Variants in CLIC5 observed in about 807,000 individuals in gnomAD.
CLIC5 encodes the protein CLIC family member 5.
A neutral mutation model predicts 24.7 loss-of-function variants in CLIC5; 20 were observed. The ratio of observed to expected loss-of-function variants is 0.81; its 90% CI spans 0.57 to 1.18. CLIC5 has a LOEUF of 1.18. Among genes scored for constraint, CLIC5 ranks in the 50% most tolerant of loss-of-function variants. CLIC5 has a pLI of 0.00. For missense variants in CLIC5, 341 were observed against 326.1 expected (o/e 1.05, Z -0.35); for synonymous variants, 159 against 135.6 (o/e 1.17, Z -1.20).
chr6:46,109,926 T>C, the CLIC5 span, among the ~76,000 whole-genome samples: 2 of 147,420 alleles, frequency 1.4e-5, no homozygotes, highest in East Asian at 3.9e-4. Context: ...TTGTGGCCTT[T>C]GGAATACCAA....
intron 4 of CLIC5, among the ~76,000 whole-genome samples, chr6:45,917,715 T>C (rs1354779901): frequency 6.6e-6 from 1 of 152,214 alleles, no homozygotes; most frequent in Non-Finnish European, 1.5e-5. Flanking sequence ...TCCTCCCACC[T>C]GCCAACTCAT....
intron 1 of CLIC5, among the ~76,000 whole-genome samples, chr6:46,035,478 A>G (rs1299295798): frequency 6.6e-6 from 1 of 152,152 alleles, no homozygotes; most frequent in African/African-American, 2.4e-5. Flanking sequence ...GAACTTCCCT[A>G]TCACTGGCTC....
At chr6:46,019,372 C>A (rs998866684), upstream of CLIC5, among the ~76,000 whole-genome samples, 1 of 152,080 alleles carries the variant, frequency 6.6e-6, no homozygotes, top group African/African-American at 2.4e-5. Flanking sequence ...TGGAAAAGCC[C>A]CTGCCATGCA....
chr6:46,060,299 TA>T (rs1366356230), intron 1 of CLIC5, among the ~76,000 whole-genome samples: 1 of 152,112 alleles, frequency 6.6e-6, no homozygotes, highest in African/African-American at 2.4e-5. Context: ...ATTTACTTAT[TA>T]AAAATTTTTT....
chr6:45,993,291 T>A (rs1766007276), intron 1 of CLIC5, among the ~76,000 whole-genome samples: 1 of 152,198 alleles, frequency 6.6e-6, no homozygotes. Context: ...TTAAAGTAAC[T>A]GAGCAAAATA....
intron 3 of CLIC5, among the ~76,000 whole-genome samples, chr6:45,944,863 C>T (rs1031802348): frequency 5.9e-5 from 9 of 152,160 alleles, no homozygotes; most frequent in East Asian, 1.9e-4. Context: ...CTTTTTCTCA[C>T]GAGCTGAAAA....
chr6:46,026,076 C>G (rs1472053586), intron 1 of CLIC5, among the ~76,000 whole-genome samples: 2 of 152,142 alleles, frequency 1.3e-5, no homozygotes, highest in African/African-American at 4.8e-5. Flanking sequence ...CTTTATTTCA[C>G]TGTTTCTCCC....
chr6:45,966,831 T>C (rs910261045), intron 1 of CLIC5, among the ~76,000 whole-genome samples: 1 of 152,230 alleles, frequency 6.6e-6, no homozygotes, highest in Non-Finnish European at 1.5e-5. Context: ...TCAAGATGTC[T>C]GAAGAACCTC....
chr6:46,043,981 C>T (rs938074935), intron 1 of CLIC5, among the ~76,000 whole-genome samples: 20 of 152,222 alleles, frequency 1.3e-4, no homozygotes, highest in African/African-American at 4.8e-4. Context: ...GTGGGGTAGG[C>T]GAAGTTGGAT....
At chr6:45,933,567 C>G (rs1763824914) in intron 4 of CLIC5, among the ~76,000 whole-genome samples, 1 of 152,200 alleles carries the variant, frequency 6.6e-6, no homozygotes, top group Non-Finnish European at 1.5e-5. Context: ...GTTAGAAGCA[C>G]CTTATTAGGA....
intron 4 of CLIC5, among the ~76,000 whole-genome samples, chr6:45,915,656 A>G (rs1763002465): frequency 6.6e-6 from 1 of 152,226 alleles, no homozygotes; most frequent in Admixed American, 6.5e-5. Flanking sequence ...GGAACATAAC[A>G]TGGGAGAAGG....
chr6:45,976,397 CT>C (rs1403240951), intron 1 of CLIC5, among the ~76,000 whole-genome samples: 14 of 152,150 alleles, frequency 9.2e-5, no homozygotes, highest in Admixed American at 5.9e-4. Context: ...TTGCCTAGGA[CT>C]GGGGGAATTC....
chr6:45,971,648 A>G (rs1454469631), intron 1 of CLIC5, among the ~76,000 whole-genome samples: 1 of 152,232 alleles, frequency 6.6e-6, no homozygotes, highest in Non-Finnish European at 1.5e-5. Context: ...AATGGCAAAG[A>G]AACATTGCAA....
chr6:46,051,086 A>G (rs1385404668), intron 1 of CLIC5, among the ~76,000 whole-genome samples: 1 of 152,046 alleles, frequency 6.6e-6, no homozygotes, highest in Non-Finnish European at 1.5e-5. Context: ...CCATCTCTGA[A>G]CTCTTAGAAC....
intron 1 of CLIC5, among the ~76,000 whole-genome samples, chr6:46,031,136 C>A (rs905255601): frequency 2.4e-4 from 36 of 152,280 alleles, no homozygotes; most frequent in African/African-American, 6.7e-4. Context: ...TTATTCCCAT[C>A]ACTGTGTTTT....
intron 1 of CLIC5, among the ~76,000 whole-genome samples, chr6:45,974,212 T>C (rs539328969): frequency 4.2e-4 from 64 of 151,850 alleles, no homozygotes; most frequent in Non-Finnish European, 8.2e-4. Context: ...ATCCTGGGTT[T>C]CTGTCCTTAT....
chr6:45,948,478 A>G (rs2127378494), intron 3 of CLIC5, among the ~76,000 whole-genome samples: 1 of 152,328 alleles, frequency 6.6e-6, no homozygotes, highest in East Asian at 1.9e-4. Flanking sequence ...CTTTCAGAAT[A>G]TCCCACAGGA....
At chr6:45,983,127 A>G (rs938913332) in intron 1 of CLIC5, among the ~76,000 whole-genome samples, 1 of 152,244 alleles carries the variant, frequency 6.6e-6, no homozygotes, top group African/African-American at 2.4e-5. Flanking sequence ...GTGAGAGATC[A>G]TAATGCTCAA....
the CLIC5 span, among the ~76,000 whole-genome samples, chr6:46,104,847 A>ATT: frequency 6.6e-6 from 1 of 152,210 alleles, no homozygotes; most frequent in African/African-American, 2.4e-5. Context: ...GCCCTTGTAC[A>ATT]TTAAAACTGC....
Sources: allele counts gnomAD v4.1 joint callset (sites outside exome capture counted in the v4.1 genomes callset), GRCh38; gene constraint gnomAD v4.1.1; transcripts MANE v1.5; gene names NCBI Gene and HGNC (gene_info 2026-07-23, HGNC 2026-07-21).